Variants in RSRC1 observed in about 807,000 individuals in gnomAD.
RSRC1 encodes the protein arginine and serine rich coiled-coil 1, also known as serine/Arginine-related protein 53.
RSRC1 carries 39 observed loss-of-function variants against 49.1 expected under a neutral mutation model. That is an observed-to-expected ratio of 0.79 (90% confidence interval 0.61 to 1.04). The LOEUF (loss-of-function observed/expected upper bound fraction) is 1.04, where lower values mean the gene tolerates loss of function less well. RSRC1 is among the 50% of genes least tolerant of loss of function. The pLI, the probability that RSRC1 is intolerant of heterozygous loss-of-function variation, is 0.00. For synonymous variants in RSRC1, 143 were observed against 130.8 expected (o/e 1.09, Z -0.63); for missense variants, 388 against 402.4 (o/e 0.96, Z 0.31).
chr3:158,333,592 T>C (rs893785576), intron 5 of RSRC1, among the ~76,000 whole-genome samples: 16 of 152,230 alleles, frequency 1.1e-4, no homozygotes, highest in African/African-American at 3.6e-4. Flanking sequence ...ACAAAACATA[T>C]TGTAAAAAGC....
At chr3:158,209,300 T>C (rs956917780) in intron 4 of RSRC1, among the ~76,000 whole-genome samples, 1 of 152,142 alleles carries the variant, frequency 6.6e-6, no homozygotes, top group South Asian at 2.1e-4. Context: ...GTAGGTTTCT[T>C]ATAAGGCTTC....
At chr3:158,439,179 G>C (rs1211659415) in intron 6 of RSRC1, among the ~76,000 whole-genome samples, 2 of 152,254 alleles carry the variant, frequency 1.3e-5, no homozygotes, top group Admixed American at 6.5e-5. Flanking sequence ...TGCTGGAGAG[G>C]ATGTGGAGAA....
At chr3:158,516,901 A>G (rs926180762) in intron 7 of RSRC1, among the ~76,000 whole-genome samples, 9 of 152,148 alleles carry the variant, frequency 5.9e-5, no homozygotes, top group Non-Finnish European at 1.0e-4. Context: ...AGGAAACGGA[A>G]CTCCCTGACC....
chr3:158,450,857 C>A (rs1323478606), intron 6 of RSRC1, among the ~76,000 whole-genome samples: 1 of 151,582 alleles, frequency 6.6e-6, no homozygotes, highest in African/African-American at 2.4e-5. Context: ...AAAAATCATT[C>A]TTTACAGTTT....
chr3:158,402,142 T>C (rs1485872178), intron 6 of RSRC1, among the ~76,000 whole-genome samples: 2 of 151,922 alleles, frequency 1.3e-5, no homozygotes, highest in Non-Finnish European at 2.9e-5. Context: ...TGAGTAATTA[T>C]AGCTAGAGTT....
At chr3:158,250,606 T>C (rs749119269) in intron 4 of RSRC1, among the ~76,000 whole-genome samples, 1 of 152,248 alleles carries the variant, frequency 6.6e-6, no homozygotes. Context: ...TTGTCACTTG[T>C]ATGTCTTCCT....
chr3:158,340,146 G>T (rs764633710), intron 5 of RSRC1, among the ~76,000 whole-genome samples: 23 of 152,132 alleles, frequency 1.5e-4, no homozygotes, highest in Non-Finnish European at 3.2e-4. Context: ...TTGAATCATG[G>T]GGGCTGGTCT....
At chr3:158,358,472 A>C (rs1374296669) in intron 6 of RSRC1, among the ~76,000 whole-genome samples, 1 of 152,212 alleles carries the variant, frequency 6.6e-6, no homozygotes, top group Admixed American at 6.5e-5. Flanking sequence ...AATAGTGGAA[A>C]GATCCTAAGC....
chr3:158,487,207 C>A (rs1429554452), intron 7 of RSRC1, among the ~76,000 whole-genome samples: 1 of 152,192 alleles, frequency 6.6e-6, no homozygotes, highest in Non-Finnish European at 1.5e-5. Context: ...TGATTTACCA[C>A]ATACTACAAG....
intron 4 of RSRC1, among the ~76,000 whole-genome samples, chr3:158,296,454 C>A (rs1369204836): frequency 6.6e-6 from 1 of 151,658 alleles, no homozygotes. Context: ...TGTGTGCATG[C>A]ATGTGCACAC....
At chr3:158,537,459 A>C (rs573461596) in intron 8 of RSRC1, among the ~76,000 whole-genome samples, 51 of 151,736 alleles carry the variant, frequency 3.4e-4, no homozygotes, top group Middle Eastern at 3.4e-3. Context: ...GTAATATGTC[A>C]ACAAGATAGT....
chr3:158,313,846 A>G (rs1013795899), intron 5 of RSRC1, among the ~76,000 whole-genome samples: 3 of 152,244 alleles, frequency 2.0e-5, no homozygotes, highest in Admixed American at 2.0e-4. Flanking sequence ...CCAAAATGCA[A>G]ATGAATATTC....
At chr3:158,314,899 G>C (rs940467867) in intron 5 of RSRC1, among the ~76,000 whole-genome samples, 3 of 152,130 alleles carry the variant, frequency 2.0e-5, no homozygotes, top group African/African-American at 7.2e-5. Context: ...GAGCGTGGTG[G>C]CAAATGCTTG....
chr3:158,203,293 C>T (rs757159929), intron 4 of RSRC1, 48 bp downstream of exon 4: 33 of 1,504,072 alleles, frequency 2.2e-5, no homozygotes, highest in Middle Eastern at 1.8e-4. Context: ...GATTCCATGG[C>T]GATGTTCAAA....
Position 158,542,428 on chromosome 3 carries a change from G to A in RSRC1, c.760-907G>A, listed in dbSNP as rs141667848. Among the ~76,000 whole-genome samples the A allele has an allele frequency of 5.7e-3, 864 of 152,232 alleles. 12 individuals carry two copies. The highest frequency in any genetic ancestry group is 0.02 in the African/African-American group (841 of 41,538). The stretch of plus-strand genomic sequence containing the variant: ...TGTGCACCTGTAATCCCAGATACTC[G>A]GGAGGCTGAAGCAGGAGAATCACTT... On this transcript the variant is annotated intron_variant, in intron 8 of 9. Transcript: ENST00000611884.
intron 6 of RSRC1, among the ~76,000 whole-genome samples, chr3:158,370,248 G>A (rs1731993458): frequency 6.6e-6 from 1 of 151,898 alleles, no homozygotes; most frequent in African/African-American, 2.4e-5. Context: ...AGAAACTGAA[G>A]AGGTCTAGCA....
chr3:158,368,869 T>G (rs1356110147), intron 6 of RSRC1, among the ~76,000 whole-genome samples: 3 of 152,158 alleles, frequency 2.0e-5, no homozygotes, highest in African/African-American at 7.2e-5. Context: ...GTCTGTTTTT[T>G]TGGATAAGAG....
chr3:158,116,477 T>C (rs1714825652), intron 1 of RSRC1, among the ~76,000 whole-genome samples: 1 of 152,168 alleles, frequency 6.6e-6, no homozygotes, highest in Admixed American at 6.5e-5. Flanking sequence ...GAGTGGAAAT[T>C]TAGTAAAATT....
chr3:158,280,306 TTCTG>T (rs1726068622), intron 4 of RSRC1, among the ~76,000 whole-genome samples: 1 of 152,168 alleles, frequency 6.6e-6, no homozygotes, highest in South Asian at 2.1e-4. Flanking sequence ...TTTCCTTTGA[TTCTG>T]TCTTATAGGT....
Sources: gnomAD v4.1 joint callset for allele counts (sites outside exome capture counted in the v4.1 genomes callset) on GRCh38, gnomAD v4.1.1 for gene constraint, MANE v1.5 for transcripts, NCBI Gene and HGNC (gene_info 2026-07-23, HGNC 2026-07-21) for gene names.